RAB3C: variants seen among roughly 807,000 people sequenced by gnomAD.
RAB3C encodes the protein ras-related protein Rab-3C.
In RAB3C, 17 loss-of-function variants were observed where a neutral mutation model predicts 26.4. The observed-to-expected ratio is 0.64, with a 90% CI of 0.44 to 0.97. The LOEUF is 0.97. Among genes scored for constraint, RAB3C ranks in the 50% least tolerant of loss-of-function variants. The pLI is 0.00. For synonymous variants in RAB3C, 91 were observed against 95.9 expected, an observed-to-expected ratio of 0.95 and a Z score of 0.30; for missense variants, 242 against 281.9, an observed-to-expected ratio of 0.86 and a Z score of 1.01.
chr5:58,695,002 G>A (rs1307185725), intron 2 of RAB3C, among the ~76,000 whole-genome samples: 1 of 152,064 alleles, frequency 6.6e-6, no homozygotes, highest in African/African-American at 2.4e-5. Flanking sequence ...TGAAGTCTTT[G>A]CCCATGTTTA....
At chr5:58,605,136 C>G (rs1290067278) in intron 1 of RAB3C, among the ~76,000 whole-genome samples, 1 of 152,180 alleles carries the variant, frequency 6.6e-6, no homozygotes, top group Non-Finnish European at 1.5e-5. Flanking sequence ...TTTCTCACTT[C>G]TACAGTTGGG....
chr5:58,679,112 T>A (rs770373179), intron 2 of RAB3C, among the ~76,000 whole-genome samples: 2 of 152,064 alleles, frequency 1.3e-5, no homozygotes, highest in African/African-American at 2.4e-5. Context: ...CACGATGTGG[T>A]AGTGTAAAGC....
intron 2 of RAB3C, among the ~76,000 whole-genome samples, chr5:58,691,873 T>C (rs534823235): frequency 6.6e-6 from 1 of 152,344 alleles, no homozygotes; most frequent in Non-Finnish European, 1.5e-5. Flanking sequence ...ACTGGTCTTC[T>C]TGTTCTTTAA....
At chr5:58,641,880 TG>T (rs1747420210) in intron 2 of RAB3C, among the ~76,000 whole-genome samples, 1 of 152,134 alleles carries the variant, frequency 6.6e-6, no homozygotes. Flanking sequence ...TTATTATTTA[TG>T]TTTTTTTGTG....
rs74427448 is a variant in RAB3C, at chr5:58,755,433, C to T, written c.371+29313C>T. On this transcript the variant is annotated intron_variant, in intron 3 of 4. Coordinates refer to ENST00000282878, the MANE Select transcript of RAB3C (RefSeq NM_138453.4). ...GAAATGGTGTTCATATTTTGGGTAC[C>T]ATTATAAACTGTAAGTCACGCCTGA... Among the ~76,000 whole-genome samples the T allele has an allele frequency of 3.9e-5, 6 of 152,176 alleles. No individual in the cohort carries two copies. In the East Asian group the frequency reaches 1.2e-3, roughly 29 times the overall value.
At chr5:58,759,783 A>G (rs1475488240) in intron 3 of RAB3C, among the ~76,000 whole-genome samples, 2 of 152,192 alleles carry the variant, frequency 1.3e-5, no homozygotes, top group Non-Finnish European at 2.9e-5. Context: ...ACTGAAAGCC[A>G]GGTTGACTTG....
intron 3 of RAB3C, among the ~76,000 whole-genome samples, chr5:58,824,817 G>T (rs1743436674): frequency 6.6e-6 from 1 of 152,096 alleles, no homozygotes; most frequent in African/African-American, 2.4e-5. Context: ...AGAATTATTA[G>T]TACACCACTG....
chr5:58,681,835 T>C (rs1579854821), intron 2 of RAB3C, among the ~76,000 whole-genome samples: 1 of 152,324 alleles, frequency 6.6e-6, no homozygotes, highest in South Asian at 2.1e-4. Context: ...CATCTGACCA[T>C]TCTTTTAGAG....
rs773472490 is a variant in RAB3C at position 58,828,877 on chromosome 5, T to C, written c.496+3715T>C. On this transcript the variant is annotated intron_variant, in intron 4 of 4. Transcript: ENST00000282878. ...TTGCTGCCAGAGCTGAACATTACCC[T>C]ATAGCTGGTGTTATTTTACCATGCT... 8.3e-4 allele frequency among the ~76,000 whole-genome samples: 126 copies of C among 151,470 alleles called. 1 individual carries two copies. Among genetic ancestry groups the C allele is most frequent in the Non-Finnish European group, 1.5e-3 (105 of 67,922 alleles).
At chr5:58,617,478 G>T in intron 1 of RAB3C, 165 bp from the exon 2 acceptor site, 2 of 774,274 alleles carry the variant, frequency 2.6e-6, no homozygotes, top group Non-Finnish European at 4.8e-6. Flanking sequence ...TTATTGCCAT[G>T]GATACCAATA....
rs147174941 is a variant in RAB3C at position 58,716,870 on chromosome 5, G to A, written c.253-9132G>A. 1.1e-3 allele frequency among the ~76,000 whole-genome samples: 166 copies of A among 150,496 alleles called. 1 individual carries two copies. Among genetic ancestry groups the A allele is most frequent in the African/African-American group, 3.8e-3 (154 of 41,006 alleles). ...TTAGGGCAGTGAAACTACTCCATAT[G>A]ATACTATAATTGTGAATTCATGTCA... is the stretch of plus-strand genomic sequence containing the variant. On this transcript the variant is annotated intron_variant, in intron 2 of 4. Coordinates refer to ENST00000282878, the MANE Select transcript of RAB3C (RefSeq NM_138453.4).
intron 1 of RAB3C, among the ~76,000 whole-genome samples, chr5:58,614,789 C>T (rs779978523): frequency 1.3e-5 from 2 of 152,044 alleles, no homozygotes; most frequent in African/African-American, 2.4e-5. Context: ...TACATGAGCT[C>T]CCGTGTGTGG....
At chr5:58,736,265 C>A (rs574949200) in intron 3 of RAB3C, among the ~76,000 whole-genome samples, 2 of 152,258 alleles carry the variant, frequency 1.3e-5, no homozygotes, top group African/African-American at 4.8e-5. Flanking sequence ...CTCATAGTAA[C>A]CTTTCCCTAA....
chr5:58,760,460 C>A (rs764298458), intron 3 of RAB3C, among the ~76,000 whole-genome samples: 14 of 152,054 alleles, frequency 9.2e-5, no homozygotes, highest in Non-Finnish European at 1.8e-4. Flanking sequence ...TTAAGCAAGC[C>A]CATCTATGTA....
intron 4 of RAB3C, among the ~76,000 whole-genome samples, chr5:58,833,855 T>A (rs1006612451): frequency 2.0e-5 from 3 of 152,162 alleles, no homozygotes; most frequent in African/African-American, 7.2e-5. Flanking sequence ...CCACAAATGA[T>A]CCATGAGGTG....
At chr5:58,821,036 C>T (rs1743328201) in intron 3 of RAB3C, among the ~76,000 whole-genome samples, 1 of 152,164 alleles carries the variant, frequency 6.6e-6, no homozygotes, top group Admixed American at 6.5e-5. Flanking sequence ...CACAAAAGGA[C>T]ACCCTGACTT....
chr5:58,839,240 G>A (rs1047201422), intron 4 of RAB3C, among the ~76,000 whole-genome samples: 2 of 151,482 alleles, frequency 1.3e-5, no homozygotes, highest in African/African-American at 2.4e-5. Context: ...AATTACTCCT[G>A]TCATTTTACT....
intron 2 of RAB3C, among the ~76,000 whole-genome samples, chr5:58,678,750 G>A (rs1748283832): frequency 6.6e-6 from 1 of 152,080 alleles, no homozygotes; most frequent in African/African-American, 2.4e-5. Flanking sequence ...CCAACTGCAA[G>A]TCACTCCAAT....
intron 3 of RAB3C, among the ~76,000 whole-genome samples, chr5:58,769,023 A>G (rs1741969431): frequency 1.3e-5 from 2 of 152,128 alleles, no homozygotes; most frequent in African/African-American, 4.8e-5. Flanking sequence ...GGAAGAAGGG[A>G]GAAGTGGTCA....
Sources: gnomAD v4.1 joint callset for allele counts (sites outside exome capture counted in the v4.1 genomes callset) on GRCh38, gnomAD v4.1.1 for gene constraint, MANE v1.5 for transcripts, NCBI Gene and HGNC (gene_info 2026-07-23, HGNC 2026-07-21) for gene names.